SRD5A2: variants seen among roughly 807,000 people sequenced by gnomAD.
SRD5A2 encodes the protein 3-oxo-5-alpha-steroid 4-dehydrogenase 2.
SRD5A2 carries 30 observed loss-of-function variants against 27.4 expected under a neutral mutation model. The ratio of observed to expected loss-of-function variants is 1.10; its 90% CI spans 0.82 to 1.49. The LOEUF (loss-of-function observed/expected upper bound fraction) is 1.49. Among genes scored for constraint, SRD5A2 ranks in the 40% most tolerant of loss-of-function variants. The pLI is 0.00. For synonymous variants in SRD5A2, 141 were observed against 133.6 expected (o/e 1.06, Z -0.38); for missense variants, 348 against 323.4 (o/e 1.08, Z -0.58).
the SRD5A2 span, among the ~76,000 whole-genome samples, chr2:31,590,280 A>G: frequency 1.3e-5 from 2 of 152,008 alleles, no homozygotes; most frequent in Non-Finnish European, 2.9e-5. Flanking sequence ...AATCCTGGCC[A>G]ACACAGGGCA....
the SRD5A2 span, among the ~76,000 whole-genome samples, chr2:31,602,733 G>C: frequency 1.3e-5 from 2 of 152,020 alleles, no homozygotes; most frequent in African/African-American, 2.4e-5. Flanking sequence ...GAACAGAATA[G>C]AGAACCCAGA....
chr2:31,630,767 G>A, the SRD5A2 span, among the ~76,000 whole-genome samples: 3 of 152,176 alleles, frequency 2.0e-5, no homozygotes, highest in Non-Finnish European at 2.9e-5. Flanking sequence ...TTAGAAAAAG[G>A]TGATTTAACA....
chr2:31,552,427 A>G (rs547240453), intron 1 of SRD5A2, among the ~76,000 whole-genome samples: 2 of 152,112 alleles, frequency 1.3e-5, no homozygotes, highest in African/African-American at 2.4e-5. Flanking sequence ...GACAGTTTCT[A>G]TCTTGCCCCA....
chr2:31,598,311 G>C, the SRD5A2 span, among the ~76,000 whole-genome samples: 6 of 151,906 alleles, frequency 3.9e-5, no homozygotes, highest in African/African-American at 1.4e-4. Flanking sequence ...AGGTGCAAGG[G>C]GGGTGAGAAA....
chr2:31,589,500 C>T, the SRD5A2 span, among the ~76,000 whole-genome samples: 1 of 152,218 alleles, frequency 6.6e-6, no homozygotes, highest in South Asian at 2.1e-4. Context: ...TGGCACCTGC[C>T]CTGGTCTCAG....
the SRD5A2 span, among the ~76,000 whole-genome samples, chr2:31,652,113 A>C: frequency 6.6e-6 from 1 of 152,150 alleles, no homozygotes; most frequent in Non-Finnish European, 1.5e-5. Flanking sequence ...CCATGCCACC[A>C]CACCCAACTA....
intron 1 of SRD5A2, among the ~76,000 whole-genome samples, chr2:31,555,255 G>A (rs922581036): frequency 4.6e-5 from 7 of 151,936 alleles, no homozygotes; most frequent in African/African-American, 1.7e-4. Context: ...GTCATCTGTT[G>A]TATTTGCCAC....
the SRD5A2 span, among the ~76,000 whole-genome samples, chr2:31,656,002 A>C: frequency 1.3e-5 from 2 of 152,212 alleles, no homozygotes; most frequent in African/African-American, 4.8e-5. Flanking sequence ...AAGTAGATGC[A>C]CATATAGACA....
the SRD5A2 span, among the ~76,000 whole-genome samples, chr2:31,607,637 T>C: frequency 1.3e-5 from 2 of 152,082 alleles, no homozygotes; most frequent in Non-Finnish European, 2.9e-5. Flanking sequence ...TTAAAGTTCT[T>C]CTGGCTAAAA....
chr2:31,654,456 G>A, the SRD5A2 span, among the ~76,000 whole-genome samples: 1 of 152,174 alleles, frequency 6.6e-6, no homozygotes, highest in Non-Finnish European at 1.5e-5. Context: ...CTATCAGCTG[G>A]TGCGTGGGTG....
intron 1 of SRD5A2, among the ~76,000 whole-genome samples, chr2:31,542,396 T>C (rs1255418761): frequency 1.3e-5 from 2 of 152,088 alleles, no homozygotes; most frequent in Admixed American, 6.6e-5. Context: ...CCTGTAGTCC[T>C]AGCTACTCAA....
chr2:31,566,996 A>C (rs1666743712), intron 1 of SRD5A2, among the ~76,000 whole-genome samples: 1 of 152,174 alleles, frequency 6.6e-6, no homozygotes, highest in Admixed American at 6.5e-5. Context: ...TTTATGTGCT[A>C]CTTTTTAACT....
At chr2:31,604,286 T>C in the SRD5A2 span, among the ~76,000 whole-genome samples, 5 of 151,818 alleles carry the variant, frequency 3.3e-5, no homozygotes, top group East Asian at 9.7e-4. Context: ...GCTAGAACAA[T>C]TGGATGGACA....
At chr2:31,570,658 G>C (rs1358137419) in intron 1 of SRD5A2, among the ~76,000 whole-genome samples, 2 of 152,192 alleles carry the variant, frequency 1.3e-5, no homozygotes, top group African/African-American at 4.8e-5. Context: ...TTCTTGGTCT[G>C]ATAAACAACT....
chr2:31,583,073 G>T (rs1449732374), upstream of SRD5A2, among the ~76,000 whole-genome samples: 2 of 152,220 alleles, frequency 1.3e-5, no homozygotes, highest in East Asian at 3.9e-4. Flanking sequence ...TGCATCTGTG[G>T]GTTGGCTGTG....
the SRD5A2 span, among the ~76,000 whole-genome samples, chr2:31,610,282 AAGC>A: frequency 2.0e-5 from 3 of 152,178 alleles, no homozygotes; most frequent in East Asian, 5.8e-4. Flanking sequence ...AACCAAAAAA[AAGC>A]TAGCAAACTA....
chr2:31,569,181 G>T (rs1666800245), intron 1 of SRD5A2, among the ~76,000 whole-genome samples: 1 of 152,258 alleles, frequency 6.6e-6, no homozygotes, highest in African/African-American at 2.4e-5. Context: ...CCCCAGCCAT[G>T]CCTCTAACAC....
At chr2:31,543,402 TGG>T (rs1481497823) in intron 1 of SRD5A2, among the ~76,000 whole-genome samples, 1 of 152,076 alleles carries the variant, frequency 6.6e-6, no homozygotes, top group Non-Finnish European at 1.5e-5. Flanking sequence ...TTGTAAAAGG[TGG>T]TATTATTATA....
At position 31,522,903 on chromosome 2, in the gene SRD5A2, C is replaced by A. The variant is rs1474677632; in HGVS notation, c.*3293G>T. ...TCCTTCATGTGCCAAGAGCTTGCTCCCCTGCTTCTTAGTGAGATTGCCATG... is the reference window on the plus strand; with the variant it reads ...TCCTTCATGTGCCAAGAGCTTGCTCACCTGCTTCTTAGTGAGATTGCCATG... On this transcript the variant is annotated 3_prime_UTR_variant, in exon 5 of 5. Coordinates refer to ENST00000622030, the MANE Select transcript of SRD5A2 (RefSeq NM_000348.4). 6 of 223,514 alleles carry A rather than the reference C, an allele frequency of 2.7e-5. No individual in the cohort carries two copies. The highest frequency in any genetic ancestry group is 8.9e-5 in the African/African-American group (4 of 44,724). The allele number at this position is 223,514 out of a possible 1,614,324, so 13.8% of individuals were successfully genotyped here. A position where few individuals can be genotyped will look rare whatever the true frequency, so the allele number is the denominator to read the frequency against.
Sources: allele counts gnomAD v4.1 joint callset (sites outside exome capture counted in the v4.1 genomes callset), GRCh38; gene constraint gnomAD v4.1.1; transcripts MANE v1.5; gene names NCBI Gene and HGNC (gene_info 2026-07-23, HGNC 2026-07-21).